Variants in SUSD1 observed in about 807,000 individuals in gnomAD.
SUSD1 encodes sushi domain-containing protein 1.
In SUSD1, 65 loss-of-function variants were observed where a neutral mutation model predicts 86.9. That is an observed-to-expected ratio of 0.75 (90% CI 0.61 to 0.92). The LOEUF (loss-of-function observed/expected upper bound fraction) is 0.92, where lower values mean the gene tolerates loss of function less well. Ranked by LOEUF, SUSD1 falls within the 40% of genes least tolerant of loss-of-function variation. The pLI is 0.00. For synonymous variants in SUSD1, 346 were observed against 350.0 expected, an observed-to-expected ratio of 0.99 and a Z score of 0.13; for missense variants, 850 against 929.7, an observed-to-expected ratio of 0.91 and a Z score of 1.11.
intron 5 of SUSD1, among the ~76,000 whole-genome samples, chr9:112,135,837 G>A (rs189238565): frequency 4.6e-5 from 7 of 152,304 alleles, no homozygotes; most frequent in East Asian, 3.9e-4. Context: ...TTCATTATCC[G>A]ATTAAATCTT....
At position 112,041,330 on chromosome 9, in the gene SUSD1, A is replaced by G; in HGVS notation, c.*162T>C. 1 of 687,580 alleles carries G rather than the reference A, an allele frequency of 1.5e-6. No homozygotes were observed. The highest frequency in any genetic ancestry group is 2.6e-5 in the East Asian group (1 of 37,850). 42.6% of individuals were successfully genotyped at this position (687,580 alleles called of 1,614,324 possible). A position where few individuals can be genotyped will look rare whatever the true frequency, so the allele number is the denominator to read the frequency against. On this transcript the variant is annotated 3_prime_UTR_variant, in exon 17 of 17. Transcript: ENST00000374270. ...TGGTGACTCCTCAGGGATAGCCACC[A>G]TCTTAAATCCAGGAATGGGGCCCAG... is the stretch of plus-strand genomic sequence containing the variant.
intron 1 of SUSD1, among the ~76,000 whole-genome samples, chr9:112,163,584 G>A (rs891401604): frequency 9.2e-5 from 14 of 152,054 alleles, no homozygotes; most frequent in Non-Finnish European, 1.5e-4. Context: ...GCTGCAGTGT[G>A]CTTTGATTGA....
At chr9:112,129,858 G>T (rs1831939528) in intron 5 of SUSD1, among the ~76,000 whole-genome samples, 1 of 152,194 alleles carries the variant, frequency 6.6e-6, no homozygotes, top group Non-Finnish European at 1.5e-5. Context: ...AATAAATGCT[G>T]CTACGATATG....
At chr9:112,128,175 C>T (rs1831861058) in intron 5 of SUSD1, among the ~76,000 whole-genome samples, 1 of 152,108 alleles carries the variant, frequency 6.6e-6, no homozygotes, top group Non-Finnish European at 1.5e-5. Flanking sequence ...TCATTGCAAC[C>T]TCTGCCTCCC....
At chr9:112,094,542 C>T (rs1830320902) in intron 10 of SUSD1, among the ~76,000 whole-genome samples, 1 of 152,156 alleles carries the variant, frequency 6.6e-6, no homozygotes, top group South Asian at 2.1e-4. Flanking sequence ...AAAAAGTGTA[C>T]ACCTAGAACT....
chr9:112,153,009 T>C (rs774375120), intron 2 of SUSD1, among the ~76,000 whole-genome samples: 10 of 152,140 alleles, frequency 6.6e-5, no homozygotes, highest in Non-Finnish European at 1.3e-4. Context: ...TTTGCATCTG[T>C]AATCTCAGCA....
intron 5 of SUSD1, among the ~76,000 whole-genome samples, chr9:112,135,135 A>C (rs191268014): frequency 8.5e-5 from 13 of 152,308 alleles, no homozygotes; most frequent in Non-Finnish European, 1.2e-4. Flanking sequence ...TTTGCCATGA[A>C]GCACATTCTC....
In SUSD1 at chr9:112,118,869, A is replaced by G. The variant is rs1341335640; in HGVS notation, c.886+5388T>C. ...CCTACTTCATCAAACTCATGAGATCACATATATTGTCCTTAATAAATTTGA... is the reference window on the plus strand; with the variant it reads ...CCTACTTCATCAAACTCATGAGATCGCATATATTGTCCTTAATAAATTTGA... On this transcript the variant is annotated intron_variant, in intron 6 of 16. Transcript: ENST00000374270. Among the ~76,000 whole-genome samples the G allele has an allele frequency of 3.3e-5, 5 of 152,240 alleles. 1 individual carries two copies. The highest frequency in any genetic ancestry group is 7.3e-5 in the Non-Finnish European group (5 of 68,046).
intron 12 of SUSD1, among the ~76,000 whole-genome samples, chr9:112,068,508 T>G (rs1448358805): frequency 6.6e-6 from 1 of 152,058 alleles, no homozygotes; most frequent in East Asian, 1.9e-4. Flanking sequence ...CAAGACCAGC[T>G]TGGGCAACAT....
intron 12 of SUSD1, among the ~76,000 whole-genome samples, chr9:112,069,024 A>T (rs1407354653): frequency 6.6e-6 from 1 of 152,164 alleles, no homozygotes; most frequent in East Asian, 1.9e-4. Flanking sequence ...GCAGGCAGTT[A>T]GAAACATAGG....
chr9:112,050,257 C>A (rs1357911205), intron 15 of SUSD1, among the ~76,000 whole-genome samples: 1 of 152,212 alleles, frequency 6.6e-6, no homozygotes, highest in Non-Finnish European at 1.5e-5. Context: ...AACAGGACAG[C>A]ACCCATCTTT....
At chr9:112,089,902 C>A (rs921003099) in intron 10 of SUSD1, among the ~76,000 whole-genome samples, 2 of 151,362 alleles carry the variant, frequency 1.3e-5, no homozygotes, top group Non-Finnish European at 2.9e-5. Flanking sequence ...CTATAAAGGG[C>A]CAGATAAGTA....
At chr9:112,083,306 C>A (rs372704997) in intron 10 of SUSD1, among the ~76,000 whole-genome samples, 10 of 152,092 alleles carry the variant, frequency 6.6e-5, no homozygotes, top group African/African-American at 2.4e-4. Flanking sequence ...CAGCTCAGTG[C>A]AACCTCTGCC....
chr9:112,128,656 A>G (rs927748313), intron 5 of SUSD1, among the ~76,000 whole-genome samples: 1 of 152,228 alleles, frequency 6.6e-6, no homozygotes, highest in Non-Finnish European at 1.5e-5. Context: ...CACTTTTTAA[A>G]TAGAGTAGTA....
chr9:112,145,742 C>G (rs1031672291), intron 3 of SUSD1, among the ~76,000 whole-genome samples: 8 of 152,156 alleles, frequency 5.3e-5, no homozygotes. Context: ...ACCAGTAATT[C>G]TATTCAATTG....
intron 13 of SUSD1, among the ~76,000 whole-genome samples, chr9:112,060,523 G>A (rs1216116829): frequency 6.6e-6 from 1 of 152,192 alleles, no homozygotes; most frequent in African/African-American, 2.4e-5. Context: ...GTTGTTGCAC[G>A]TATCACTGCC....
At chr9:112,145,972 G>A (rs1301511471) in intron 3 of SUSD1, 1 of 152,152 alleles carries the variant, frequency 6.6e-6, no homozygotes, top group African/African-American at 2.4e-5. Context: ...GACATTCAGA[G>A]GCCTACCTGC....
chr9:112,166,767 G>C (rs1006199689), intron 1 of SUSD1, among the ~76,000 whole-genome samples: 1 of 152,164 alleles, frequency 6.6e-6, no homozygotes, highest in Non-Finnish European at 1.5e-5. Context: ...CTCAGGGCCT[G>C]AAAGCAGGGA....
intron 9 of SUSD1, among the ~76,000 whole-genome samples, chr9:112,101,972 T>C (rs78256197): frequency 1.3e-3 from 193 of 152,366 alleles, no homozygotes; most frequent in African/African-American, 4.4e-3. Flanking sequence ...CAGAAAATGA[T>C]AGCAAGTCAC....
Sources: allele counts gnomAD v4.1 joint callset (sites outside exome capture counted in the v4.1 genomes callset), GRCh38; gene constraint gnomAD v4.1.1; transcripts MANE v1.5; gene names NCBI Gene and HGNC (gene_info 2026-07-23, HGNC 2026-07-21).